Variants in NUP205 observed in about 807,000 individuals in gnomAD.
NUP205 encodes the protein nucleoporin 205, also known as nuclear pore complex protein Nup205.
NUP205 carries 76 observed loss-of-function variants against 253.8 expected under a neutral mutation model. The ratio of observed to expected loss-of-function variants is 0.30; its 90% CI spans 0.25 to 0.36. The LOEUF (loss-of-function observed/expected upper bound fraction) is 0.36. NUP205 is among the 10% of genes least tolerant of loss of function. The pLI is 1.00. For synonymous variants in NUP205, 832 were observed against 850.1 expected (o/e 0.98, Z 0.37); for missense variants, 2,162 against 2,425.5 (o/e 0.89, Z 2.28).
At chr7:135,571,548 A>G (rs1215376287) in intron 2 of NUP205, among the ~76,000 whole-genome samples, 10 of 151,992 alleles carry the variant, frequency 6.6e-5, no homozygotes, top group Admixed American at 6.6e-4. Context: ...TGCAAAAACT[A>G]TCTTAAAAAC....
chr7:135,615,786 T>G, intron 23 of NUP205, 130 bp from the exon 24 acceptor site: 1 of 489,532 alleles, frequency 2.0e-6, no homozygotes, highest in Non-Finnish European at 3.4e-6. Flanking sequence ...TGAGAAATTA[T>G]TATGTTGCTG....
chr7:135,647,331 C>T (rs1795030413), intron 42 of NUP205, among the ~76,000 whole-genome samples: 1 of 152,214 alleles, frequency 6.6e-6, no homozygotes, highest in East Asian at 1.9e-4. Context: ...GGTGCAGTTA[C>T]AGCAGCCTCC....
intron 11 of NUP205, among the ~76,000 whole-genome samples, chr7:135,592,371 A>G (rs1236649823): frequency 1.3e-5 from 2 of 152,252 alleles, no homozygotes; most frequent in African/African-American, 2.4e-5. Flanking sequence ...GTACAGTTAC[A>G]TGAGAGCACA....
chr7:135,635,771 T>C (rs781550142), intron 36 of NUP205, 114 bp downstream of exon 36: 2 of 579,738 alleles, frequency 3.4e-6, no homozygotes, highest in East Asian at 2.8e-5. Context: ...TTTGGTTCTT[T>C]AGTTTTTCTA....
Position 135,612,521 on chromosome 7 carries a change from C to T in NUP205, c.3196-1638C>T, listed in dbSNP as rs189764658. On this transcript the variant is annotated intron_variant, in intron 22 of 42. Transcript: ENST00000285968. Reference sequence around the variant, plus strand: ...CACTATGCTTGGGGGCTGTTTTAAACAGCAAAATCAACAAAAAGCACAAAA... The same window carrying T: ...CACTATGCTTGGGGGCTGTTTTAAATAGCAAAATCAACAAAAAGCACAAAA... Among the ~76,000 whole-genome samples the T allele has an allele frequency of 7.6e-4, 115 of 152,242 alleles. 1 individual carries two copies. The highest frequency in any genetic ancestry group is 1.7e-3 in the South Asian group (8 of 4,824).
At chr7:135,576,905 T>TA in intron 4 of NUP205, 64 bp from the exon 5 acceptor site, 1 of 1,485,628 alleles carries the variant, frequency 6.7e-7, no homozygotes, top group Non-Finnish European at 9.2e-7. Context: ...TTGCTATACC[T>TA]ATTATTATGA....
chr7:135,606,007 A>G (rs1468477393), intron 19 of NUP205, 138 bp from the exon 20 acceptor site: 3 of 582,278 alleles, frequency 5.2e-6, no homozygotes, highest in Non-Finnish European at 9.1e-6. Flanking sequence ...TCTATTAAAA[A>G]TGTAACTAAA....
intron 1 of NUP205, among the ~76,000 whole-genome samples, chr7:135,570,056 G>T (rs796845728): frequency 0.095 from 7,492 of 79,018 alleles, 168 homozygotes; most frequent in Non-Finnish European, 0.12. Flanking sequence ...TATATATAGA[G>T]AGAGAGAGAG....
intron 42 of NUP205, 128 bp downstream of exon 42, chr7:135,646,359 T>TA: frequency 1.4e-6 from 1 of 703,722 alleles, no homozygotes; most frequent in Non-Finnish European, 2.4e-6. Flanking sequence ...GCCCAGGAGT[T>TA]TGAGAGCAGT....
chr7:135,640,174 A>G (rs1201521670), intron 38 of NUP205, among the ~76,000 whole-genome samples: 6 of 152,244 alleles, frequency 3.9e-5, no homozygotes, highest in East Asian at 1.9e-4. Flanking sequence ...ATGTATACCT[A>G]TGTAACAAAC....
At chr7:135,647,060 C>G (rs988018059) in intron 42 of NUP205, among the ~76,000 whole-genome samples, 1 of 152,202 alleles carries the variant, frequency 6.6e-6, no homozygotes, top group Admixed American at 6.5e-5. Flanking sequence ...ACACTGTGCT[C>G]TTACTAACCT....
intron 35 of NUP205, among the ~76,000 whole-genome samples, chr7:135,632,736 T>C (rs1195286622): frequency 6.6e-6 from 1 of 152,094 alleles, no homozygotes; most frequent in Non-Finnish European, 1.5e-5. Flanking sequence ...ACCCTTCTTG[T>C]CTCTACTAAG....
In NUP205 at chr7:135,593,189, T is replaced by G. The variant is rs1806678358; in HGVS notation, c.1827T>G (p.Thr609=). The G allele has an allele frequency of 6.2e-7, 1 of 1,613,672 alleles. No homozygotes were observed. The highest frequency in any genetic ancestry group is 8.5e-7 in the Non-Finnish European group (1 of 1,179,622). The part of the protein sequence containing the change: ...AFLQLTSTII[T]WSENARLALC... Reference sequence around the variant, plus strand: ...TGCAGCTCACGTCTACCATCATTACTTGGGTAGGTAACTCATCCCCAGCAT... The same window carrying G: ...TGCAGCTCACGTCTACCATCATTACGTGGGTAGGTAACTCATCCCCAGCAT... Residue 609 remains threonine (T), a synonymous_variant, in exon 12 of 43, where the codon ACT becomes ACG. Transcript: ENST00000285968.
chr7:135,606,918 A>G lies in NUP205; in HGVS notation c.3070+3A>G, dbSNP rs758078430. On this transcript the variant is annotated splice_donor_region_variant and intron_variant, in intron 21 of 42. Transcript: ENST00000285968. ...TACTACAAACCTACAAGATCCAGGTATAGCCTAAGACATAAAGGCATTTCT... is the reference window on the plus strand; with the variant it reads ...TACTACAAACCTACAAGATCCAGGTGTAGCCTAAGACATAAAGGCATTTCT... 1 of 1,613,298 alleles carries G rather than the reference A, an allele frequency of 6.2e-7. No homozygotes were observed. Among genetic ancestry groups the G allele is most frequent in the Admixed American group, 1.7e-5 (1 of 59,968 alleles).
rs1463319370 is a variant in NUP205 at position 135,558,137 on chromosome 7, G to T, written c.28+165G>T. 6.0e-6 allele frequency: 4 copies of T among 664,466 alleles called. No individual in the cohort carries two copies. The East Asian group carries it at 8.3e-5, about 14-fold the overall frequency. 41.2% of individuals were successfully genotyped at this position (664,466 alleles called of 1,614,324 possible). ...CCCACCCCTCCCCAGTTTGAATGGC[G>T]CGCGTCGGTGCTGCGGCTCCAGCCC... On this transcript the variant is annotated intron_variant, in intron 1 of 42. Transcript: ENST00000285968.
At chr7:135,622,337 C>T (rs1268372197) in intron 30 of NUP205, among the ~76,000 whole-genome samples, 4 of 150,528 alleles carry the variant, frequency 2.7e-5, no homozygotes, top group Non-Finnish European at 4.4e-5. Context: ...GCAGGAGAAT[C>T]GCTTGAACCT....
chr7:135,625,487 T>G, intron 32 of NUP205, 132 bp downstream of exon 32: 1 of 709,908 alleles, frequency 1.4e-6, no homozygotes, highest in Admixed American at 3.5e-5. Flanking sequence ...TTTAAGGAGT[T>G]TTAAACTTTG....
At chr7:135,579,150 T>TCA (rs1806234322) in intron 7 of NUP205, among the ~76,000 whole-genome samples, 1 of 152,236 alleles carries the variant, frequency 6.6e-6, no homozygotes, top group Non-Finnish European at 1.5e-5. Context: ...AATGCTCTTT[T>TCA]ACCTTCAGGG....
chr7:135,636,071 G>GT (rs1469827736), intron 36 of NUP205, among the ~76,000 whole-genome samples: 1 of 152,008 alleles, frequency 6.6e-6, no homozygotes, highest in Non-Finnish European at 1.5e-5. Flanking sequence ...TATTTGCTTG[G>GT]TTTTTATGTA....
Sources: gnomAD v4.1 joint callset for allele counts (sites outside exome capture counted in the v4.1 genomes callset) on GRCh38, gnomAD v4.1.1 for gene constraint, MANE v1.5 for transcripts, NCBI Gene and HGNC (gene_info 2026-07-23, HGNC 2026-07-21) for gene names.